Variants in SHISA9 observed in about 807,000 individuals in gnomAD.
SHISA9 encodes the protein protein shisa-9.
Under a neutral mutation model 38.0 loss-of-function variants are expected in SHISA9, and 13 were observed. The ratio of observed to expected loss-of-function variants is 0.34; its 90% confidence interval spans 0.22 to 0.54. The LOEUF (loss-of-function observed/expected upper bound fraction) is 0.54. Ranked by LOEUF, SHISA9 falls within the 20% of genes least tolerant of loss-of-function variation. The pLI is 0.91. For synonymous variants in SHISA9, 275 were observed against 242.0 expected, an observed-to-expected ratio of 1.14 and a Z score of -1.27; for missense variants, 538 against 575.8, an observed-to-expected ratio of 0.93 and a Z score of 0.67.
the SHISA9 span, among the ~76,000 whole-genome samples, chr16:13,443,737 A>C: frequency 6.6e-6 from 1 of 152,230 alleles, no homozygotes; most frequent in Non-Finnish European, 1.5e-5. Context: ...GGAAAGATTA[A>C]CATTAACAAA....
chr16:13,402,067 T>C, the SHISA9 span, among the ~76,000 whole-genome samples: 2 of 152,158 alleles, frequency 1.3e-5, no homozygotes, highest in African/African-American at 4.8e-5. Flanking sequence ...CAAGATGAGA[T>C]TTGGGTGTGG....
chr16:12,944,174 A>C (rs539503569), intron 2 of SHISA9, among the ~76,000 whole-genome samples: 69 of 152,316 alleles, frequency 4.5e-4, no homozygotes, highest in African/African-American at 1.7e-3. Context: ...GACTTCCAAG[A>C]GAAGAGGAAT....
chr16:13,103,041 C>T (rs543248414), intron 2 of SHISA9, among the ~76,000 whole-genome samples: 16 of 152,284 alleles, frequency 1.1e-4, no homozygotes, highest in African/African-American at 3.8e-4. Context: ...TCTCTTTGAA[C>T]ACATTTTCTC....
At position 13,085,271 on chromosome 16, in the gene SHISA9, T is replaced by A. The variant is rs75436471; in HGVS notation, c.692-118123T>A. On this transcript the variant is annotated intron_variant, in intron 2 of 4. Transcript: ENST00000558583. ...ATCTATATATCTATGTCTATGTCGATACCTATACTCCAAAAGAAAGAAAGA... is the reference window on the plus strand; with the variant it reads ...ATCTATATATCTATGTCTATGTCGAAACCTATACTCCAAAAGAAAGAAAGA... Among the ~76,000 whole-genome samples, 216 of 152,168 alleles carry A rather than the reference T, an allele frequency of 1.4e-3. 3 individuals are homozygous for A. The East Asian group carries it at 0.037, about 26-fold the overall frequency.
chr16:13,548,389 T>C, the SHISA9 span, among the ~76,000 whole-genome samples: 1 of 152,084 alleles, frequency 6.6e-6, no homozygotes, highest in Non-Finnish European at 1.5e-5. Context: ...ACAACTTCTG[T>C]ACAATGAAGG....
the SHISA9 span, among the ~76,000 whole-genome samples, chr16:13,434,052 T>A: frequency 6.6e-6 from 1 of 152,112 alleles, no homozygotes; most frequent in Non-Finnish European, 1.5e-5. Flanking sequence ...ACCTCAAAAG[T>A]AGGGAAGCCA....
intron 2 of SHISA9, among the ~76,000 whole-genome samples, chr16:13,070,151 TGTGCAC>T (rs1376810308): frequency 2.3e-5 from 3 of 132,380 alleles, no homozygotes; most frequent in Admixed American, 1.5e-4. Flanking sequence ...TGTGTGTGTG[TGTGCAC>T]GCATGTGTCT....
At chr16:13,399,456 T>C in the SHISA9 span, among the ~76,000 whole-genome samples, 2 of 152,140 alleles carry the variant, frequency 1.3e-5, no homozygotes. Flanking sequence ...CAGAACTACA[T>C]GAACTTACTG....
At chr16:12,930,846 C>T (rs2071452492) in intron 2 of SHISA9, among the ~76,000 whole-genome samples, 1 of 151,794 alleles carries the variant, frequency 6.6e-6, no homozygotes. Context: ...GTGATAGGTA[C>T]AAAGGGAAAA....
the SHISA9 span, among the ~76,000 whole-genome samples, chr16:13,365,454 C>CTTTTTTT: frequency 2.7e-5 from 3 of 112,522 alleles, no homozygotes; most frequent in African/African-American, 6.9e-5. Flanking sequence ...GAGTATACCT[C>CTTTTTTT]TTTTTTTTTT....
At position 13,235,050 on chromosome 16, in the gene SHISA9, T is replaced by G; in HGVS notation, c.916T>G (p.Phe306Val). The G allele has an allele frequency of 1.9e-6, 3 of 1,550,656 alleles. No individual in the cohort carries two copies. Among genetic ancestry groups the G allele is most frequent in the Non-Finnish European group, 2.6e-6 (3 of 1,146,624 alleles). ...TGTAGCTGACAAGGTCAATGACGAC[T>G]TCTACACCAAGCGACGGCACCTGGC... is the stretch of plus-strand genomic sequence containing the variant. ...SPKADKVNDDFYTKRRHLAEL... is the reference protein window; with the variant it reads ...SPKADKVNDDVYTKRRHLAEL... The change falls in exon 5 of 5, where the codon TTC (phenylalanine) becomes GTC (valine). Residue 306 changes from phenylalanine to valine, a missense_variant. By Grantham distance (50) the Phe-to-Val change is conservative. Transcript: ENST00000558583.
intron 2 of SHISA9, among the ~76,000 whole-genome samples, chr16:13,135,996 CTTTAAG>C (rs1332366126): frequency 1.3e-5 from 2 of 152,140 alleles, no homozygotes; most frequent in African/African-American, 2.4e-5. Flanking sequence ...AGGAATAGCC[CTTTAAG>C]AGAACACACT....
At chr16:13,398,904 T>C in the SHISA9 span, among the ~76,000 whole-genome samples, 33 of 152,200 alleles carry the variant, frequency 2.2e-4, no homozygotes, top group Non-Finnish European at 4.1e-4. Flanking sequence ...AATTAATGAA[T>C]GGAGTTCATT....
the SHISA9 span, among the ~76,000 whole-genome samples, chr16:13,525,071 CA>C: frequency 1.3e-5 from 2 of 152,180 alleles, no homozygotes; most frequent in East Asian, 1.9e-4. Context: ...AAAATTATAC[CA>C]GGGGTTGATA....
At chr16:13,070,251 T>A (rs544228372) in intron 2 of SHISA9, among the ~76,000 whole-genome samples, 1 of 152,204 alleles carries the variant, frequency 6.6e-6, no homozygotes, top group Admixed American at 6.5e-5. Flanking sequence ...GTGCCCCTCA[T>A]GTTGCTCTGT....
At chr16:13,042,191 G>T (rs1197005522) in intron 2 of SHISA9, among the ~76,000 whole-genome samples, 1 of 152,170 alleles carries the variant, frequency 6.6e-6, no homozygotes, top group Non-Finnish European at 1.5e-5. Context: ...AAGGACACTG[G>T]GAATCTTGCA....
At chr16:13,033,346 A>C (rs1294220825) in intron 2 of SHISA9, among the ~76,000 whole-genome samples, 2 of 152,196 alleles carry the variant, frequency 1.3e-5, no homozygotes, top group Admixed American at 1.3e-4. Context: ...TGAATACTGG[A>C]CAGGCAAAAC....
the SHISA9 span, among the ~76,000 whole-genome samples, chr16:13,386,126 C>T: frequency 6.6e-6 from 1 of 152,054 alleles, no homozygotes; most frequent in Non-Finnish European, 1.5e-5. Context: ...TAGACACACA[C>T]AAATGAGTAC....
intron 2 of SHISA9, among the ~76,000 whole-genome samples, chr16:13,157,832 G>A (rs1390568990): frequency 2.6e-5 from 4 of 152,148 alleles, no homozygotes; most frequent in Admixed American, 6.5e-5. Context: ...AATTGTCAGT[G>A]AACACAGATT....
Sources: allele counts gnomAD v4.1 joint callset (sites outside exome capture counted in the v4.1 genomes callset), GRCh38; gene constraint gnomAD v4.1.1; transcripts MANE v1.5; gene names NCBI Gene and HGNC (gene_info 2026-07-23, HGNC 2026-07-21).